Variants in DNAH11 observed in about 807,000 individuals in gnomAD.
DNAH11 encodes axonemal beta dynein heavy chain 11.
Under a neutral mutation model 526.0 loss-of-function variants are expected in DNAH11, and 442 were observed. The observed-to-expected ratio is 0.84, with a 90% CI of 0.78 to 0.91. The LOEUF (loss-of-function observed/expected upper bound fraction) is 0.91. Ranked by LOEUF, DNAH11 falls within the 40% of genes least tolerant of loss-of-function variation. The pLI, the probability that DNAH11 is intolerant of heterozygous loss-of-function variation, is 0.00. For synonymous variants in DNAH11, 2,461 were observed against 1,935.9 expected (o/e 1.27, Z -7.12); for missense variants, 6,989 against 5,448.7 (o/e 1.28, Z -8.90).
At chr7:21,698,320 T>G (rs1203845767) in intron 36 of DNAH11, 107 bp downstream of exon 36, 1 of 1,467,370 alleles carries the variant, frequency 6.8e-7, no homozygotes, top group Non-Finnish European at 9.1e-7. Context: ...GACATTAAAA[T>G]TTTTTTGTAC....
intron 4 of DNAH11, 44 bp from the exon 5 acceptor site, chr7:21,561,027 G>C (rs72655976): frequency 2.3e-6 from 3 of 1,331,396 alleles, no homozygotes; most frequent in South Asian, 2.6e-5. Flanking sequence ...TTTAGTAATC[G>C]AGTTTATATT....
intron 10 of DNAH11, 114 bp downstream of exon 10, chr7:21,588,315 GT>G: frequency 7.2e-7 from 1 of 1,398,416 alleles, no homozygotes; most frequent in South Asian, 1.5e-5. Flanking sequence ...CTACATTTTT[GT>G]GCTTTTATTT....
chr7:21,696,367 T>C (rs1783852573), intron 35 of DNAH11, among the ~76,000 whole-genome samples: 1 of 152,180 alleles, frequency 6.6e-6, no homozygotes, highest in Non-Finnish European at 1.5e-5. Flanking sequence ...ACAATTATTT[T>C]CCCTAATAGT....
intron 39 of DNAH11, 31 bp from the exon 40 acceptor site, chr7:21,707,668 A>AT (rs1230099967): frequency 1.3e-6 from 2 of 1,599,788 alleles, no homozygotes. Flanking sequence ...GTTAGTATTA[A>AT]TTTTTTTGGC....
chr7:21,850,369 A>T (rs894773363), intron 66 of DNAH11, among the ~76,000 whole-genome samples: 28 of 148,338 alleles, frequency 1.9e-4, no homozygotes, highest in African/African-American at 6.8e-4. Flanking sequence ...AAAAAAAAAA[A>T]GAAAAAGAAA....
chr7:21,804,082 T>TTTTTGTTTTGTTTTG (rs10549465), intron 62 of DNAH11, among the ~76,000 whole-genome samples: 54 of 147,580 alleles, frequency 3.7e-4, no homozygotes, highest in African/African-American at 1.2e-3. Context: ...GTAGTAGTTT[T>TTTTTGTTTTGTTTTG]TTTTGTTTTG....
At chr7:21,877,223 CT>C (rs542697482) in intron 74 of DNAH11, among the ~76,000 whole-genome samples, 2 of 151,794 alleles carry the variant, frequency 1.3e-5, no homozygotes, top group African/African-American at 2.4e-5. Flanking sequence ...CTAATTAAAC[CT>C]TTTTTTTCTT....
At chr7:21,889,442 C>G (rs1001342528) in intron 76 of DNAH11, among the ~76,000 whole-genome samples, 1 of 152,156 alleles carries the variant, frequency 6.6e-6, no homozygotes, top group Admixed American at 6.5e-5. Context: ...AGTGATAACT[C>G]TATGTTTATC....
intron 1 of DNAH11, among the ~76,000 whole-genome samples, chr7:21,544,480 A>C (rs991674807): frequency 2.6e-5 from 4 of 152,356 alleles, no homozygotes; most frequent in East Asian, 1.9e-4. Flanking sequence ...GATAGAACAC[A>C]ACTCTAGTAT....
chr7:21,611,525 C>G (rs1281139859), intron 20 of DNAH11, among the ~76,000 whole-genome samples: 5 of 152,130 alleles, frequency 3.3e-5, no homozygotes, highest in Non-Finnish European at 7.3e-5. Flanking sequence ...AGAACCGTGA[C>G]TAATACACTG....
At chr7:21,658,416 A>C (rs1423426485) in intron 29 of DNAH11, among the ~76,000 whole-genome samples, 1 of 152,142 alleles carries the variant, frequency 6.6e-6, no homozygotes, top group Non-Finnish European at 1.5e-5. Context: ...ATACCTCTAT[A>C]GGTGTCTGTG....
At chr7:21,846,831 C>T (rs1304854947) in intron 66 of DNAH11, among the ~76,000 whole-genome samples, 2 of 152,004 alleles carry the variant, frequency 1.3e-5, no homozygotes, top group African/African-American at 4.8e-5. Flanking sequence ...TCATCTGGAC[C>T]TGGTGCTTTC....
intron 65 of DNAH11, among the ~76,000 whole-genome samples, chr7:21,839,773 C>T (rs1433865241): frequency 1.3e-5 from 2 of 152,090 alleles, no homozygotes; most frequent in Non-Finnish European, 2.9e-5. Context: ...AGTGGCTTAT[C>T]TGGCAGAATT....
chr7:21,813,470 GGTAAA>G (rs1193075290), intron 63 of DNAH11, among the ~76,000 whole-genome samples: 1 of 152,140 alleles, frequency 6.6e-6, no homozygotes, highest in Non-Finnish European at 1.5e-5. Context: ...TTTGTGAACA[GGTAAA>G]GCCTTACATA....
In DNAH11 at chr7:21,898,511, C is replaced by A. The variant is rs144638232; in HGVS notation, c.13050-825C>A. On this transcript the variant is annotated intron_variant, in intron 79 of 81. Transcript: ENST00000409508. ...ACAAGGTCCTAGAAAACTTCAGTGC[C>A]AGCCTTTCCTTCTAGAGAACTCTGG... is the stretch of plus-strand genomic sequence containing the variant. Among the ~76,000 whole-genome samples the A allele has an allele frequency of 2.9e-3, 441 of 152,324 alleles. 1 individual carries two copies. Among genetic ancestry groups the A allele is most frequent in the African/African-American group, 9.7e-3 (405 of 41,572 alleles).
At chr7:21,713,509 T>C (rs919450992) in intron 42 of DNAH11, among the ~76,000 whole-genome samples, 3 of 152,168 alleles carry the variant, frequency 2.0e-5, no homozygotes, top group Admixed American at 2.0e-4. Flanking sequence ...GTTCTGGCAG[T>C]CCTTCGTTCT....
chr7:21,815,671 G>A (rs766068809), intron 63 of DNAH11, among the ~76,000 whole-genome samples: 1 of 152,150 alleles, frequency 6.6e-6, no homozygotes, highest in Non-Finnish European at 1.5e-5. Flanking sequence ...ACATTTTGGT[G>A]TCTCTAGACA....
chr7:21,879,905 C>G (rs1260869480), intron 74 of DNAH11, among the ~76,000 whole-genome samples: 5 of 151,848 alleles, frequency 3.3e-5, no homozygotes, highest in African/African-American at 1.2e-4. Context: ...GCCAATGTGG[C>G]AAAAACCCAT....
chr7:21,866,652 G>A lies in DNAH11; in HGVS notation c.11679G>A (p.Thr3893=), dbSNP rs568377103. Residue 3893 remains threonine (T), a synonymous_variant, in exon 71 of 82, where the codon ACG becomes ACA. Coordinates refer to ENST00000409508, the MANE Select transcript of DNAH11 (RefSeq NM_001277115.2). ...LLRAMRPDRM[T]YALRNFVEEK... is the part of the protein sequence containing the mutation. ...GAGCAATGCGCCCTGACAGAATGAC[G>A]TATGCTCTCAGGTGGGGTGGTCAGC... The A allele has an allele frequency of 2.5e-5, 41 of 1,611,734 alleles. No homozygotes were observed. In the South Asian group the frequency reaches 3.0e-4, roughly 12 times the overall value.
Sources: allele counts gnomAD v4.1 joint callset (sites outside exome capture counted in the v4.1 genomes callset), GRCh38; gene constraint gnomAD v4.1.1; transcripts MANE v1.5; gene names NCBI Gene and HGNC (gene_info 2026-07-23, HGNC 2026-07-21).